TMEM26: variants seen among roughly 807,000 people sequenced by gnomAD.
The protein encoded by TMEM26 is transmembrane protein 26.
A neutral mutation model predicts 28.8 loss-of-function variants in TMEM26; 38 were observed. That is an observed-to-expected ratio of 1.32 (90% CI 1.02 to 1.73). The LOEUF (loss-of-function observed/expected upper bound fraction) is 1.73, where lower values mean the gene tolerates loss of function less well. TMEM26 is among the 40% of genes most tolerant of loss of function. The pLI, the probability that TMEM26 is intolerant of heterozygous loss-of-function variation, is 0.00. For synonymous variants in TMEM26, 227 were observed against 182.9 expected, an observed-to-expected ratio of 1.24 and a Z score of -1.95; for missense variants, 518 against 447.1, an observed-to-expected ratio of 1.16 and a Z score of -1.43.
chr10:61,440,215 G>A (rs1194143625), intron 1 of TMEM26, among the ~76,000 whole-genome samples: 5 of 151,924 alleles, frequency 3.3e-5, no homozygotes, highest in Non-Finnish European at 5.9e-5. Context: ...ACTCCAACCT[G>A]GGCAATTTAG....
rs937654687 is a variant in TMEM26, at chr10:61,406,830, G to T, written c.*3492C>A. ...GTTAATTATTCAAACATTGTTTAAA[G>T]TTACTCCCTGCATATGGAAACTTAT... On this transcript the variant is annotated 3_prime_UTR_variant, in exon 6 of 6. Transcript: ENST00000399298. 2.6e-5 allele frequency: 4 copies of T among 151,966 alleles called. No homozygotes were observed. Among genetic ancestry groups the T allele is most frequent in the African/African-American group, 9.7e-5 (4 of 41,362 alleles). 9.4% of individuals were successfully genotyped at this position (151,966 alleles called of 1,614,324 possible). A position where few individuals can be genotyped will look rare whatever the true frequency, so the allele number is the denominator to read the frequency against.
At chr10:61,433,741 A>G (rs2135316532) in intron 2 of TMEM26, among the ~76,000 whole-genome samples, 1 of 152,266 alleles carries the variant, frequency 6.6e-6, no homozygotes, top group African/African-American at 2.4e-5. Context: ...GTGAAAGAAA[A>G]TTAAATTACT....
chr10:61,421,990 C>A (rs1839757103), intron 4 of TMEM26, among the ~76,000 whole-genome samples: 1 of 151,762 alleles, frequency 6.6e-6, no homozygotes, highest in Non-Finnish European at 1.5e-5. Context: ...ATCTCTATGC[C>A]AACATAAGAA....
rs1205832482 is a variant in TMEM26, at chr10:61,406,881, C to G, written c.*3441G>C. 6.6e-6 allele frequency: 1 copy of G among 152,000 alleles called. No homozygotes were observed. The highest frequency in any genetic ancestry group is 1.5e-5 in the Non-Finnish European group (1 of 67,974). 9.4% of individuals were successfully genotyped at this position (152,000 alleles called of 1,614,324 possible). A position where few individuals can be genotyped will look rare whatever the true frequency, so the allele number is the denominator to read the frequency against. On this transcript the variant is annotated 3_prime_UTR_variant, in exon 6 of 6. Transcript: ENST00000399298. ...TTGAAGCCTCAAAGCTGTAAACATC[C>G]TCCAGCCGCCTAGTTTAACCCCAAA...
chr10:61,438,987 C>T (rs963793244), intron 1 of TMEM26, among the ~76,000 whole-genome samples: 1 of 152,172 alleles, frequency 6.6e-6, no homozygotes, highest in South Asian at 2.1e-4. Flanking sequence ...TTATATTCAA[C>T]TCAATCCTCA....
intron 4 of TMEM26, chr10:61,415,065 G>A (rs796076600): frequency 1.1e-5 from 11 of 985,290 alleles, no homozygotes; most frequent in Non-Finnish European, 1.3e-5. Flanking sequence ...TTGATGGAAG[G>A]CTTCTCACAT....
intron 4 of TMEM26, among the ~76,000 whole-genome samples, chr10:61,423,625 C>A (rs1839782836): frequency 6.6e-6 from 1 of 152,114 alleles, no homozygotes; most frequent in African/African-American, 2.4e-5. Context: ...CTGGTCCCAC[C>A]TGCTTGGGAG....
intron 1 of TMEM26, among the ~76,000 whole-genome samples, chr10:61,451,965 A>G (rs1840289803): frequency 6.9e-6 from 1 of 144,512 alleles, no homozygotes; most frequent in Admixed American, 7.1e-5. Flanking sequence ...TTCTCATAGC[A>G]TGAGATATTT....
rs776968161 is a variant in TMEM26, at chr10:61,410,283, G to C, written c.*39C>G. The C allele has an allele frequency of 6.4e-7, 1 of 1,551,248 alleles. No individual in the cohort carries two copies. Among genetic ancestry groups the C allele is most frequent in the Non-Finnish European group, 8.7e-7 (1 of 1,146,918 alleles). ...GGATCCTCCCTGTAAGAAGAACCAG[G>C]GAGTCAGGTTCTAGCCGCAGACCAC... On this transcript the variant is annotated 3_prime_UTR_variant, in exon 6 of 6. Coordinates refer to ENST00000399298, the MANE Select transcript of TMEM26 (RefSeq NM_178505.8).
chr10:61,431,179 A>G, intron 3 of TMEM26, 40 bp downstream of exon 3: 2 of 1,534,428 alleles, frequency 1.3e-6, no homozygotes, highest in Non-Finnish European at 1.8e-6. Context: ...CAAGTCCACC[A>G]TTTTCTAGAT....
intron 1 of TMEM26, among the ~76,000 whole-genome samples, chr10:61,441,994 T>G (rs1166132679): frequency 6.6e-6 from 1 of 152,064 alleles, no homozygotes; most frequent in African/African-American, 2.4e-5. Context: ...TCAAAGGAGT[T>G]TTTTTCTTTA....
rs976380054 is a variant in TMEM26, at chr10:61,415,965, G to T, written c.606-2430C>A. Reference sequence around the variant, plus strand: ...GAATGAAACATTTCTTTTGACTTGAGATGGCCAATTCAGGCTCAAAGGATT... The same window carrying T: ...GAATGAAACATTTCTTTTGACTTGATATGGCCAATTCAGGCTCAAAGGATT... On this transcript the variant is annotated intron_variant, in intron 4 of 5. Coordinates refer to ENST00000399298, the MANE Select transcript of TMEM26 (RefSeq NM_178505.8). 1.1e-5 allele frequency: 4 copies of T among 370,950 alleles called. No homozygotes were observed. In the East Asian group the frequency reaches 2.3e-4, roughly 22 times the overall value. The allele number at this position is 370,950 out of a possible 1,614,324, so 23.0% of individuals were successfully genotyped here.
Position 61,410,377 on chromosome 10 carries a change from GCCAGGC to G in TMEM26, c.1046_1051del (p.Gly349_Leu350del), listed in dbSNP as rs777280726. On this transcript the variant is annotated inframe_deletion, in exon 6 of 6. Coordinates refer to ENST00000399298, the MANE Select transcript of TMEM26 (RefSeq NM_178505.8). Reference sequence around the variant, plus strand: ...GACTGGGGAGCCCCGCAAAGGAATAGCCAGGCCCTCCTTAGACTCGTTCTGCCAGTC... The same window carrying G: ...GACTGGGGAGCCCCGCAAAGGAATAGCCTCCTTAGACTCGTTCTGCCAGTC... 7.4e-6 allele frequency: 12 copies of G among 1,613,946 alleles called. No homozygotes were observed. The highest frequency in any genetic ancestry group is 8.5e-6 in the Non-Finnish European group (10 of 1,180,024).
At chr10:61,442,058 A>AAT (rs1483658474) in intron 1 of TMEM26, among the ~76,000 whole-genome samples, 3 of 147,600 alleles carry the variant, frequency 2.0e-5, no homozygotes, top group African/African-American at 8.0e-5. Context: ...TTGTTTATGA[A>AAT]ATATGTATAT....
intron 4 of TMEM26, among the ~76,000 whole-genome samples, chr10:61,423,973 C>T (rs1396502902): frequency 6.6e-6 from 1 of 152,142 alleles, no homozygotes; most frequent in Non-Finnish European, 1.5e-5. Context: ...TAAAGGGCAT[C>T]TATACAAAAC....
chr10:61,440,026 G>A (rs1245185304), intron 1 of TMEM26, among the ~76,000 whole-genome samples: 1 of 152,148 alleles, frequency 6.6e-6, no homozygotes, highest in Non-Finnish European at 1.5e-5. Context: ...GATCACTTGA[G>A]GTCAGGAGTT....
At chr10:61,421,532 A>T (rs1214719658) in intron 4 of TMEM26, among the ~76,000 whole-genome samples, 5 of 152,112 alleles carry the variant, frequency 3.3e-5, no homozygotes, top group African/African-American at 9.7e-5. Context: ...GGTGGGCCCT[A>T]ATCCAATGAC....
chr10:61,443,526 G>C (rs1840130597), intron 1 of TMEM26, among the ~76,000 whole-genome samples: 1 of 151,424 alleles, frequency 6.6e-6, no homozygotes, highest in Non-Finnish European at 1.5e-5. Flanking sequence ...CTTAAGGATA[G>C]ACCAGACAAA....
chr10:61,422,418 C>A (rs557180948), intron 4 of TMEM26, among the ~76,000 whole-genome samples: 23 of 152,048 alleles, frequency 1.5e-4, no homozygotes, highest in Non-Finnish European at 2.8e-4. Flanking sequence ...AAGTAAGTCT[C>A]CATAAATTTA....
Sources: allele counts gnomAD v4.1 joint callset (sites outside exome capture counted in the v4.1 genomes callset), GRCh38; gene constraint gnomAD v4.1.1; transcripts MANE v1.5; gene names NCBI Gene and HGNC (gene_info 2026-07-23, HGNC 2026-07-21).